The following MYCBP2 variants were observed in gnomAD, a reference collection of about 807,000 sequenced individuals.
MYCBP2 encodes the protein E3 ubiquitin-protein ligase MYCBP2.
In MYCBP2, 120 loss-of-function variants were observed where a neutral mutation model predicts 525.3. The observed-to-expected ratio is 0.23, with a 90% CI of 0.20 to 0.27. MYCBP2 has a LOEUF of 0.27. Ranked by LOEUF, MYCBP2 falls within the 10% of genes least tolerant of loss-of-function variation. MYCBP2 has a pLI of 1.00. For missense variants in MYCBP2, 4,149 were observed against 5,657.1 expected (o/e 0.73, Z 8.55); for synonymous variants, 1,894 against 1,955.8 (o/e 0.97, Z 0.83).
chr13:77,097,710 G>A lies in MYCBP2; in HGVS notation c.9444C>T (p.Asn3148=), dbSNP rs1249466672. Residue 3148 remains asparagine (N), a synonymous_variant, in exon 56 of 83, where the codon AAC becomes AAT. Transcript: ENST00000544440. The part of the protein sequence containing the change: ...TETTFEMSMH[N]TMKSKSPLPL... ...GAAGAGGAGACTTAGACTTCATTGT[G>A]TTATGCATGGACATTTCAAAAGTGG... 3.1e-6 allele frequency: 5 copies of A among 1,613,514 alleles called. No individual in the cohort carries two copies. The highest frequency in any genetic ancestry group is 4.2e-6 in the Non-Finnish European group (5 of 1,179,816).
chr13:77,313,422 T>C (rs1367666162), intron 1 of MYCBP2, among the ~76,000 whole-genome samples: 1 of 152,072 alleles, frequency 6.6e-6, no homozygotes, highest in Non-Finnish European at 1.5e-5. Flanking sequence ...GTTGGTTCTT[T>C]GGATCACATA....
chr13:77,135,660 T>C (rs1445760834), intron 52 of MYCBP2, among the ~76,000 whole-genome samples: 1 of 152,140 alleles, frequency 6.6e-6, no homozygotes, highest in East Asian at 1.9e-4. Flanking sequence ...CTGTACCCCA[T>C]CTGTCATCTT....
At chr13:77,074,386 T>C (rs2154092595) in intron 68 of MYCBP2, among the ~76,000 whole-genome samples, 1 of 152,282 alleles carries the variant, frequency 6.6e-6, no homozygotes, top group Non-Finnish European at 1.5e-5. Flanking sequence ...AGAGAATATC[T>C]GTGTGACCTT....
chr13:77,066,592 C>A (rs1373592552), intron 71 of MYCBP2, among the ~76,000 whole-genome samples: 1 of 152,154 alleles, frequency 6.6e-6, no homozygotes, highest in Non-Finnish European at 1.5e-5. Flanking sequence ...TACAGAACAT[C>A]CTTGCATATA....
intron 37 of MYCBP2, among the ~76,000 whole-genome samples, chr13:77,172,021 C>T (rs1466659640): frequency 1.3e-5 from 2 of 152,106 alleles, no homozygotes; most frequent in Non-Finnish European, 2.9e-5. Flanking sequence ...CTCCCTCGGC[C>T]TCCCAAATAG....
At chr13:77,063,021 A>G (rs1796007077) in intron 73 of MYCBP2, among the ~76,000 whole-genome samples, 3 of 152,358 alleles carry the variant, frequency 2.0e-5, no homozygotes, top group Admixed American at 2.0e-4. Context: ...GGCATATTTA[A>G]TATTTACTAC....
At chr13:77,300,351 T>C (rs1015791306) in intron 1 of MYCBP2, among the ~76,000 whole-genome samples, 1 of 152,218 alleles carries the variant, frequency 6.6e-6, no homozygotes, top group Non-Finnish European at 1.5e-5. Flanking sequence ...TACTCAATGG[T>C]TACAGCACGA....
intron 46 of MYCBP2, among the ~76,000 whole-genome samples, chr13:77,154,131 A>C (rs1405071903): frequency 2.6e-5 from 4 of 152,212 alleles, no homozygotes; most frequent in African/African-American, 9.6e-5. Flanking sequence ...ATAGGCTGAA[A>C]GTAAAATAGG....
In MYCBP2 at chr13:77,095,953, G is replaced by GATATGGA. The variant is rs2046187332; in HGVS notation, c.9954+352_9955-352dup. Among the ~76,000 whole-genome samples the GATATGGA allele has an allele frequency of 3.9e-5, 6 of 152,062 alleles. No homozygotes were observed. The South Asian group carries it at 1.2e-3, about 32-fold the overall frequency. ...GAGTGAATAAAGAAAAGAGAGAGTA[G>GATATGGA]ATATGGAATAGGAAAACAAAGGAGC... On this transcript the variant is annotated intron_variant, in intron 57 of 82. Transcript: ENST00000544440.
At chr13:77,053,129 C>A (rs1244745111) in intron 80 of MYCBP2, among the ~76,000 whole-genome samples, 4 of 150,614 alleles carry the variant, frequency 2.7e-5, no homozygotes, top group African/African-American at 9.8e-5. Flanking sequence ...TATGGTGAGA[C>A]CCCGTCTCAA....
Position 77,131,724 on chromosome 13 carries a change from T to C in MYCBP2, c.7660-5182A>G, listed in dbSNP as rs75693429. 2.1e-3 allele frequency among the ~76,000 whole-genome samples: 323 copies of C among 152,220 alleles called. 2 individuals are homozygous for C. Among genetic ancestry groups the C allele is most frequent in the African/African-American group, 5.7e-3 (236 of 41,532 alleles). On this transcript the variant is annotated intron_variant, in intron 52 of 82. Transcript: ENST00000544440. ...GTGCATGTGTATATACGAACACACA[T>C]ATATATAAAATAACATTTCATTCTC...
intron 55 of MYCBP2, among the ~76,000 whole-genome samples, chr13:77,115,663 A>G (rs1367455099): frequency 6.6e-6 from 1 of 151,660 alleles, no homozygotes; most frequent in African/African-American, 2.4e-5. Context: ...TTCCAAAGAT[A>G]GGTGTAAAAA....
chr13:77,183,661 C>T (rs2060459807), intron 32 of MYCBP2, among the ~76,000 whole-genome samples: 1 of 141,224 alleles, frequency 7.1e-6, no homozygotes, highest in African/African-American at 2.6e-5. Flanking sequence ...AAGCAATTCT[C>T]GTGCCTCAGC....
intron 2 of MYCBP2, among the ~76,000 whole-genome samples, chr13:77,294,234 T>G (rs2077937055): frequency 6.7e-6 from 1 of 148,430 alleles, no homozygotes; most frequent in Non-Finnish European, 1.5e-5. Context: ...AGAGGGTAGA[T>G]GAAAAATAAT....
intron 1 of MYCBP2, among the ~76,000 whole-genome samples, chr13:77,300,187 A>G (rs1458119891): frequency 2.0e-5 from 3 of 152,236 alleles, no homozygotes; most frequent in Non-Finnish European, 4.4e-5. Flanking sequence ...TTCTGGAATA[A>G]AATGGTTTCA....
chr13:77,221,101 A>G (rs73223408), intron 20 of MYCBP2, among the ~76,000 whole-genome samples: 3,393 of 152,246 alleles, frequency 0.022, 57 homozygotes, highest in Middle Eastern at 0.075. Context: ...TTCGATGACT[A>G]TGTAGCATCT....
chr13:77,225,324 C>A, intron 19 of MYCBP2, 111 bp downstream of exon 19: 1 of 1,411,762 alleles, frequency 7.1e-7, no homozygotes. Context: ...GAGACTGCCA[C>A]GCTACAGCTT....
intron 55 of MYCBP2, among the ~76,000 whole-genome samples, chr13:77,101,502 A>C (rs899256248): frequency 5.9e-5 from 9 of 152,062 alleles, no homozygotes; most frequent in African/African-American, 1.7e-4. Context: ...GAATCTGCCA[A>C]ATACCAGGAA....
intron 55 of MYCBP2, among the ~76,000 whole-genome samples, chr13:77,111,350 C>G (rs2048786666): frequency 1.3e-5 from 2 of 151,494 alleles, no homozygotes; most frequent in Admixed American, 1.3e-4. Flanking sequence ...ATTCTTGGTA[C>G]TAGATAAGAT....
Sources: allele counts gnomAD v4.1 joint callset (sites outside exome capture counted in the v4.1 genomes callset), GRCh38; gene constraint gnomAD v4.1.1; transcripts MANE v1.5; gene names NCBI Gene and HGNC (gene_info 2026-07-23, HGNC 2026-07-21).